Variants in DNAJC3 observed in about 807,000 individuals in gnomAD.
DNAJC3 encodes the protein DnaJ heat shock protein family (Hsp40) member C3.
Under a neutral mutation model 68.6 loss-of-function variants are expected in DNAJC3, and 38 were observed. That is an observed-to-expected ratio of 0.55 (90% CI 0.43 to 0.73). DNAJC3 has a LOEUF of 0.73. Ranked by LOEUF, DNAJC3 falls within the 30% of genes least tolerant of loss-of-function variation. DNAJC3 has a pLI of 0.00. For missense variants in DNAJC3, 526 were observed against 591.9 expected, an observed-to-expected ratio of 0.89 and a Z score of 1.16; for synonymous variants, 203 against 204.0, an observed-to-expected ratio of 1.00 and a Z score of 0.04.
Position 95,769,508 on chromosome 13 carries a change from A to G in DNAJC3, c.1075+5555A>G, listed in dbSNP as rs1157768874. ...ATACAACATCATAATAACCATGGAC[A>G]CATGTAATCAGAATCTATAAAGCAG... On this transcript the variant is annotated intron_variant, in intron 9 of 11. Transcript: ENST00000602402. 2.6e-5 allele frequency among the ~76,000 whole-genome samples: 4 copies of G among 152,250 alleles called. No homozygotes were observed. In the East Asian group the frequency reaches 7.7e-4, roughly 29 times the overall value.
chr13:95,744,394 T>A (rs1043039733), intron 4 of DNAJC3, among the ~76,000 whole-genome samples: 6 of 152,228 alleles, frequency 3.9e-5, no homozygotes, highest in Non-Finnish European at 7.3e-5. Context: ...AAGTCATTTT[T>A]AAAAGTTATA....
At chr13:95,742,868 T>A (rs148759246) in intron 4 of DNAJC3, 1 of 515,600 alleles carries the variant, frequency 1.9e-6, no homozygotes, top group Admixed American at 2.0e-5. Context: ...CGCCGTAGGA[T>A]CTAAAACTTT....
chr13:95,688,091 G>T lies in DNAJC3; in HGVS notation c.82+10754G>T, dbSNP rs1458540367. ...TTGGCTCTCAGCTTGAATGTTGTCA[G>T]TGTATATAAATGTTACTGCTGCTTG... On this transcript the variant is annotated intron_variant, in intron 1 of 11. Transcript: ENST00000602402. 3.9e-5 allele frequency among the ~76,000 whole-genome samples: 6 copies of T among 152,286 alleles called. No individual in the cohort carries two copies. In the East Asian group the frequency reaches 1.2e-3, roughly 29 times the overall value.
At chr13:95,767,173 G>T (rs73554955) in intron 9 of DNAJC3, among the ~76,000 whole-genome samples, 1 of 151,980 alleles carries the variant, frequency 6.6e-6, no homozygotes, top group Non-Finnish European at 1.5e-5. Flanking sequence ...TTAAACAGCC[G>T]CTCCTTTTTA....
intron 1 of DNAJC3, among the ~76,000 whole-genome samples, chr13:95,685,689 GT>G (rs374477294): frequency 0.017 from 2,587 of 150,480 alleles, 76 homozygotes; most frequent in African/African-American, 0.06. Context: ...TAGGTTTTTT[GT>G]TTTTTTTTAG....
At chr13:95,783,700 T>C (rs896358194) in intron 9 of DNAJC3, among the ~76,000 whole-genome samples, 4 of 152,190 alleles carry the variant, frequency 2.6e-5, no homozygotes, top group African/African-American at 7.2e-5. Flanking sequence ...GTGGTTCGTT[T>C]CTGTACGTAG....
intron 4 of DNAJC3, among the ~76,000 whole-genome samples, chr13:95,734,913 C>T (rs1881848094): frequency 6.7e-6 from 1 of 148,802 alleles, no homozygotes; most frequent in Non-Finnish European, 1.5e-5. Flanking sequence ...TGGTGCGCTG[C>T]ACCCACTAAC....
chr13:95,762,257 C>T (rs184552738), intron 7 of DNAJC3, among the ~76,000 whole-genome samples: 8 of 151,692 alleles, frequency 5.3e-5, no homozygotes, highest in East Asian at 1.9e-4. Context: ...AGCGAAACTC[C>T]GTCTCTAAAA....
At chr13:95,772,011 G>A (rs762118833) in intron 9 of DNAJC3, among the ~76,000 whole-genome samples, 3 of 152,106 alleles carry the variant, frequency 2.0e-5, no homozygotes, top group Admixed American at 2.0e-4. Flanking sequence ...TTCCTATAAA[G>A]AGCCAAATAG....
Position 95,774,632 on chromosome 13 carries a change from C to T in DNAJC3, c.1075+10679C>T, listed in dbSNP as rs191443526. Among the ~76,000 whole-genome samples the T allele has an allele frequency of 4.6e-5, 7 of 152,226 alleles. No individual in the cohort carries two copies. In the East Asian group the frequency reaches 1.3e-3, roughly 29 times the overall value. ...CTGTCTTTAATATTGTCAATATTTC[C>T]TTCAAGCATTTGGAAGCTCTGCTAT... On this transcript the variant is annotated intron_variant, in intron 9 of 11. Transcript: ENST00000602402.
intron 9 of DNAJC3, among the ~76,000 whole-genome samples, chr13:95,784,719 C>T (rs1181415734): frequency 6.6e-6 from 1 of 152,178 alleles, no homozygotes; most frequent in Non-Finnish European, 1.5e-5. Flanking sequence ...AGTAAGCCAA[C>T]CTTGTCAGCA....
intron 2 of DNAJC3, among the ~76,000 whole-genome samples, chr13:95,720,815 GT>G (rs144565622): frequency 0.017 from 2,598 of 150,960 alleles, 80 homozygotes; most frequent in African/African-American, 0.06. Context: ...GAAAAAGAAG[GT>G]TTTTTTTTGT....
chr13:95,764,371 C>CTATATATATA (rs1281146488), intron 9 of DNAJC3, among the ~76,000 whole-genome samples: 2 of 132,726 alleles, frequency 1.5e-5, no homozygotes, highest in African/African-American at 6.7e-5. Context: ...CTCTCTCTCT[C>CTATATATATA]TCTCTATATA....
intron 4 of DNAJC3, among the ~76,000 whole-genome samples, chr13:95,750,757 C>A (rs1882449805): frequency 6.6e-6 from 1 of 152,004 alleles, no homozygotes; most frequent in Admixed American, 6.6e-5. Context: ...GTATTCCACC[C>A]ACCTCAGCCT....
chr13:95,710,190 G>A (rs1458763006), intron 2 of DNAJC3, among the ~76,000 whole-genome samples: 1 of 151,550 alleles, frequency 6.6e-6, no homozygotes, highest in Admixed American at 6.6e-5. Context: ...AGAATAAATA[G>A]GTTCTTAGTG....
intron 2 of DNAJC3, among the ~76,000 whole-genome samples, chr13:95,715,514 G>A (rs1296111862): frequency 1.4e-5 from 2 of 143,884 alleles, no homozygotes; most frequent in East Asian, 2.0e-4. Flanking sequence ...ACGGAGTCTC[G>A]CTCTGTCACC....
rs182345725 is a variant in DNAJC3, at chr13:95,695,665, T to A, written c.83-13562T>A. 3.6e-4 allele frequency: 55 copies of A among 152,350 alleles called. No individual in the cohort carries two copies. In the East Asian group the frequency reaches 6.4e-3, roughly 18 times the overall value. 9.4% of individuals were successfully genotyped at this position (152,350 alleles called of 1,614,324 possible). On this transcript the variant is annotated intron_variant, in intron 1 of 11. Coordinates refer to ENST00000602402, the MANE Select transcript of DNAJC3 (RefSeq NM_006260.5). ...TAATTCTCCATTTTCCTTGCCCTTA[T>A]ACCACTCACTGCCCTAATTGAAAAT...
chr13:95,776,460 T>C (rs1883294471), intron 9 of DNAJC3, among the ~76,000 whole-genome samples: 1 of 152,086 alleles, frequency 6.6e-6, no homozygotes, highest in Non-Finnish European at 1.5e-5. Context: ...TCTGTGAAAA[T>C]GTTTTGTGTG....
chr13:95,739,678 C>T (rs1261296530), intron 4 of DNAJC3, among the ~76,000 whole-genome samples: 1 of 152,176 alleles, frequency 6.6e-6, no homozygotes, highest in Non-Finnish European at 1.5e-5. Flanking sequence ...CCTTTAAGCA[C>T]TTCTCTGTAT....
Sources: gnomAD v4.1 joint callset for allele counts (sites outside exome capture counted in the v4.1 genomes callset) on GRCh38, gnomAD v4.1.1 for gene constraint, MANE v1.5 for transcripts, NCBI Gene and HGNC (gene_info 2026-07-23, HGNC 2026-07-21) for gene names.